The following DLGAP1 variants were observed in gnomAD, a reference collection of about 807,000 sequenced individuals.
DLGAP1 encodes the protein DLG associated protein 1.
DLGAP1 carries 11 observed loss-of-function variants against 90.8 expected under a neutral mutation model. The observed-to-expected ratio is 0.12, with a 90% CI of 0.08 to 0.20. DLGAP1 has a LOEUF of 0.20. Ranked by LOEUF, DLGAP1 falls within the 10% of genes least tolerant of loss-of-function variation. The probability of loss-of-function intolerance (pLI) is 1.00; values close to 1 mark genes in which losing one functional copy is unlikely to be tolerated. For synonymous variants in DLGAP1, 558 were observed against 540.7 expected (o/e 1.03, Z -0.44); for missense variants, 1,050 against 1,333.8 (o/e 0.79, Z 3.31).
At chr18:3,914,519 C>T (rs2072102247) in intron 3 of DLGAP1, among the ~76,000 whole-genome samples, 1 of 152,172 alleles carries the variant, frequency 6.6e-6, no homozygotes, top group South Asian at 2.1e-4. Context: ...GTGCAGCTCT[C>T]CCTTCAACTA....
chr18:4,252,564 C>T (rs763194282), intron 1 of DLGAP1, among the ~76,000 whole-genome samples: 6 of 152,140 alleles, frequency 3.9e-5, no homozygotes, highest in Admixed American at 6.5e-5. Flanking sequence ...TTGCTTTGCA[C>T]AAAACAGCAG....
chr18:4,129,557 T>C (rs1036634136), intron 2 of DLGAP1, among the ~76,000 whole-genome samples: 5 of 152,154 alleles, frequency 3.3e-5, no homozygotes, highest in Non-Finnish European at 7.3e-5. Flanking sequence ...CTTGTAGATA[T>C]GTGCTTTTCT....
At chr18:4,284,906 G>A (rs912752502) in intron 1 of DLGAP1, among the ~76,000 whole-genome samples, 1 of 152,200 alleles carries the variant, frequency 6.6e-6, no homozygotes, top group African/African-American at 2.4e-5. Flanking sequence ...GTACAATGCT[G>A]ATTTCTGAGA....
At chr18:4,197,013 A>C (rs1210315881) in intron 1 of DLGAP1, among the ~76,000 whole-genome samples, 1 of 151,922 alleles carries the variant, frequency 6.6e-6, no homozygotes, top group Non-Finnish European at 1.5e-5. Context: ...CCTCTATTTA[A>C]AATACAAAAA....
chr18:3,534,053 C>A, intron 10 of DLGAP1, 141 bp downstream of exon 10: 1 of 912,668 alleles, frequency 1.1e-6, no homozygotes, highest in East Asian at 2.6e-5. Context: ...AATCACCTAG[C>A]TCTCCTGCAT....
chr18:3,636,293 A>T (rs1253779416), intron 7 of DLGAP1, among the ~76,000 whole-genome samples: 1 of 151,520 alleles, frequency 6.6e-6, no homozygotes, highest in Non-Finnish European at 1.5e-5. Context: ...TTCATTAACT[A>T]ATTATAGATT....
At chr18:3,528,601 GC>G (rs1372193317) in intron 10 of DLGAP1, among the ~76,000 whole-genome samples, 2 of 152,202 alleles carry the variant, frequency 1.3e-5, no homozygotes, top group African/African-American at 2.4e-5. Context: ...TGTTGTGAGG[GC>G]AAATAAAACA....
At position 3,581,893 on chromosome 18, in the gene DLGAP1, G is replaced by A; in HGVS notation, c.1947C>T (p.Cys649=). Residue 649 remains cysteine, a synonymous_variant, in exon 8 of 13, where the codon TGC becomes TGT. Transcript: ENST00000315677. Reference sequence around the variant, plus strand: ...CTGTTACCTGTATCCCGATAGACAGGCATCGATTTTTCTTAAAGTGGTCCT... The same window carrying A: ...CTGTTACCTGTATCCCGATAGACAGACATCGATTTTTCTTAAAGTGGTCCT... ...RKKDHFKKNR[C]LSIGIQVDDA... is the part of the protein sequence containing the mutation. 6.2e-7 allele frequency: 1 copy of A among 1,614,112 alleles called. No individual in the cohort carries two copies. Among genetic ancestry groups the A allele is most frequent in the Non-Finnish European group, 8.5e-7 (1 of 1,180,014 alleles).
intron 7 of DLGAP1, among the ~76,000 whole-genome samples, chr18:3,688,959 C>G (rs1016528137): frequency 6.6e-6 from 1 of 152,086 alleles, no homozygotes; most frequent in East Asian, 1.9e-4. Flanking sequence ...CTGGGCTTAG[C>G]TCATTCACAC....
intron 7 of DLGAP1, among the ~76,000 whole-genome samples, chr18:3,588,533 G>C (rs1055969621): frequency 5.3e-5 from 8 of 151,854 alleles, no homozygotes; most frequent in African/African-American, 1.9e-4. Context: ...TGTAATCCCA[G>C]CACTTTGGGA....
intron 1 of DLGAP1, among the ~76,000 whole-genome samples, chr18:4,305,718 C>T (rs531424990): frequency 6.6e-6 from 1 of 152,166 alleles, no homozygotes; most frequent in African/African-American, 2.4e-5. Flanking sequence ...CAATACCATT[C>T]TCAATATCAG....
At chr18:3,609,834 G>C (rs539353977) in intron 7 of DLGAP1, among the ~76,000 whole-genome samples, 2 of 151,672 alleles carry the variant, frequency 1.3e-5, no homozygotes, top group Middle Eastern at 3.4e-3. Context: ...GAGGTGGGTG[G>C]ATCATTTGAG....
At chr18:3,656,448 C>T (rs965749728) in intron 7 of DLGAP1, among the ~76,000 whole-genome samples, 5 of 152,146 alleles carry the variant, frequency 3.3e-5, no homozygotes, top group African/African-American at 1.2e-4. Flanking sequence ...AAAGTTCACA[C>T]AATAGGATGC....
chr18:3,517,315 T>C lies in DLGAP1; in HGVS notation c.2480-8654A>G, dbSNP rs770504094. 6.6e-6 allele frequency among the ~76,000 whole-genome samples: 1 copy of C among 152,214 alleles called. No individual in the cohort carries two copies. Among genetic ancestry groups the C allele is most frequent in the Non-Finnish European group, 1.5e-5 (1 of 68,032 alleles). ...CCAATAGAAGGCTGTTTTGTCTACA[T>C]TGAAAATCTGTTGTTTAGTGTAATC... is the stretch of plus-strand genomic sequence containing the variant. On this transcript the variant is annotated intron_variant, in intron 10 of 12. Transcript: ENST00000315677. The surrounding 1 kb of genome is among the most constrained non-coding windows in gnomAD (Gnocchi z 4.1).
At chr18:4,040,722 G>C (rs1207044552) in intron 2 of DLGAP1, among the ~76,000 whole-genome samples, 1 of 152,188 alleles carries the variant, frequency 6.6e-6, no homozygotes, top group African/African-American at 2.4e-5. Flanking sequence ...GGAAGACAAT[G>C]TCTTGGAAGC....
At chr18:4,298,773 A>AT (rs1172528890) in intron 1 of DLGAP1, among the ~76,000 whole-genome samples, 25 of 149,046 alleles carry the variant, frequency 1.7e-4, no homozygotes, top group East Asian at 3.9e-4. Context: ...TAAATAAATA[A>AT]AAAAAAAAAA....
chr18:3,872,769 G>A (rs928939182), intron 4 of DLGAP1, among the ~76,000 whole-genome samples: 1 of 152,192 alleles, frequency 6.6e-6, no homozygotes, highest in South Asian at 2.1e-4. Context: ...AATGGTGAAT[G>A]ATTACCTTGA....
At chr18:3,883,099 C>CTTT (rs1568278182) in intron 3 of DLGAP1, among the ~76,000 whole-genome samples, 1 of 152,142 alleles carries the variant, frequency 6.6e-6, no homozygotes, top group Non-Finnish European at 1.5e-5. Context: ...CAAAAATTAG[C>CTTT]TGGGCATGGT....
chr18:4,208,436 T>C (rs771252901), intron 1 of DLGAP1, among the ~76,000 whole-genome samples: 3 of 152,188 alleles, frequency 2.0e-5, no homozygotes, highest in Non-Finnish European at 4.4e-5. Context: ...TTTGAACCAA[T>C]GCAAAGCCCA....
Sources: allele counts gnomAD v4.1 joint callset (sites outside exome capture counted in the v4.1 genomes callset), GRCh38; gene constraint gnomAD v4.1.1; non-coding constraint Gnocchi (gnomAD v3.1); transcripts MANE v1.5; gene names NCBI Gene and HGNC (gene_info 2026-07-23, HGNC 2026-07-21).